PRKG1: variants seen among roughly 807,000 people sequenced by gnomAD.
PRKG1 encodes cGMP-dependent protein kinase 1.
Under a neutral mutation model 88.1 loss-of-function variants are expected in PRKG1, and 35 were observed. That is an observed-to-expected ratio of 0.40 (90% CI 0.30 to 0.53). The LOEUF (loss-of-function observed/expected upper bound fraction) is 0.53, where lower values mean the gene tolerates loss of function less well. Among genes scored for constraint, PRKG1 ranks in the 20% least tolerant of loss-of-function variants. The pLI, the probability that PRKG1 is intolerant of heterozygous loss-of-function variation, is 0.59. For missense variants in PRKG1, 540 were observed against 839.8 expected, an observed-to-expected ratio of 0.64 and a Z score of 4.41; for synonymous variants, 303 against 292.5, an observed-to-expected ratio of 1.04 and a Z score of -0.37.
At chr10:51,648,061 C>CAG (rs940520504) in intron 3 of PRKG1, among the ~76,000 whole-genome samples, 2 of 124,202 alleles carry the variant, frequency 1.6e-5, no homozygotes, top group African/African-American at 2.8e-5. Flanking sequence ...CACACACACA[C>CAG]ACACATATGT....
At position 51,820,376 on chromosome 10, in the gene PRKG1, G is replaced by T. The variant is rs191984130; in HGVS notation, c.698+15686G>T. Among the ~76,000 whole-genome samples the T allele has an allele frequency of 6.6e-3, 998 of 152,226 alleles. 9 individuals carry two copies. The highest frequency in any genetic ancestry group is 0.023 in the African/African-American group (946 of 41,534). ...AGGATTCTTAGTTCTGTGAGACCAGGGGATAGGGTAGGTGTAATAATAAAA... is the reference window on the plus strand; with the variant it reads ...AGGATTCTTAGTTCTGTGAGACCAGTGGATAGGGTAGGTGTAATAATAAAA... On this transcript the variant is annotated intron_variant, in intron 4 of 17. Transcript: ENST00000373980.
intron 3 of PRKG1, among the ~76,000 whole-genome samples, chr10:51,665,176 A>G (rs1441799572): frequency 6.6e-6 from 1 of 152,206 alleles, no homozygotes; most frequent in African/African-American, 2.4e-5. Flanking sequence ...TCATGTAATG[A>G]TTAGATGAGT....
chr10:51,292,547 A>T (rs926135347), intron 2 of PRKG1, among the ~76,000 whole-genome samples: 1 of 152,156 alleles, frequency 6.6e-6, no homozygotes, highest in Admixed American at 6.6e-5. Flanking sequence ...AGTCATGTTT[A>T]TTTTTAAAGT....
rs944219556 is a variant in PRKG1, at chr10:51,977,619, A to T, written c.762+70049A>T. 5.3e-5 allele frequency among the ~76,000 whole-genome samples: 8 copies of T among 151,934 alleles called. No individual in the cohort carries two copies. In the East Asian group the frequency reaches 1.5e-3, roughly 29 times the overall value. On this transcript the variant is annotated intron_variant, in intron 5 of 17. Coordinates refer to ENST00000373980, the MANE Select transcript of PRKG1 (RefSeq NM_006258.4). ...TAAGTATTCCTTTTTCTCTACAACC[A>T]CACCAGCACCTGTTATTTTTTGACT...
At chr10:52,208,201 T>G (rs1462039924) in intron 9 of PRKG1, among the ~76,000 whole-genome samples, 1 of 152,220 alleles carries the variant, frequency 6.6e-6, no homozygotes, top group East Asian at 1.9e-4. Context: ...TCTGAGAATA[T>G]TCTTGAATCA....
intron 3 of PRKG1, among the ~76,000 whole-genome samples, chr10:51,628,056 C>T (rs1839410727): frequency 7.1e-6 from 1 of 140,416 alleles, no homozygotes; most frequent in Non-Finnish European, 1.6e-5. Flanking sequence ...CTTTCCTTTC[C>T]TTTCTTTCTT....
intron 1 of PRKG1, among the ~76,000 whole-genome samples, chr10:51,079,899 A>G (rs948767270): frequency 2.0e-5 from 3 of 152,176 alleles, no homozygotes; most frequent in Non-Finnish European, 4.4e-5. Context: ...TTTTCCACTC[A>G]CTTCCAAATG....
intron 2 of PRKG1, among the ~76,000 whole-genome samples, chr10:51,175,921 A>G (rs1837179836): frequency 6.6e-6 from 1 of 152,124 alleles, no homozygotes; most frequent in Non-Finnish European, 1.5e-5. Flanking sequence ...AGGATTTATG[A>G]GTAATTGCAT....
At chr10:51,402,224 C>T (rs1837759672) in intron 2 of PRKG1, among the ~76,000 whole-genome samples, 1 of 152,198 alleles carries the variant, frequency 6.6e-6, no homozygotes, top group Admixed American at 6.5e-5. Flanking sequence ...TCCTTATCTT[C>T]ATTCACTTAT....
chr10:51,794,789 TAAAAC>T (rs932739669), intron 3 of PRKG1, among the ~76,000 whole-genome samples: 1 of 151,918 alleles, frequency 6.6e-6, no homozygotes, highest in African/African-American at 2.4e-5. Context: ...AAATAGAAAG[TAAAAC>T]AAACAAAAAA....
intron 1 of PRKG1, among the ~76,000 whole-genome samples, chr10:51,051,792 A>G (rs1165157661): frequency 2.6e-5 from 4 of 152,160 alleles, no homozygotes; most frequent in Admixed American, 2.6e-4. Flanking sequence ...TGAAGAACAA[A>G]CATCACTTAA....
intron 4 of PRKG1, among the ~76,000 whole-genome samples, chr10:51,819,204 T>A (rs905380903): frequency 2.6e-5 from 4 of 151,612 alleles, no homozygotes; most frequent in Non-Finnish European, 5.9e-5. Context: ...TGTATAGAGA[T>A]CACATGGTGA....
intron 2 of PRKG1, among the ~76,000 whole-genome samples, chr10:51,305,942 G>C (rs1028058113): frequency 1.3e-5 from 2 of 152,128 alleles, no homozygotes; most frequent in Admixed American, 1.3e-4. Context: ...CTGACTATTG[G>C]AAGCCTCAGG....
chr10:51,740,314 A>C (rs4431976), intron 3 of PRKG1, among the ~76,000 whole-genome samples: 91,009 of 152,026 alleles, frequency 0.6, 28,133 homozygotes, highest in African/African-American at 0.71. Flanking sequence ...CAGGCTGGAA[A>C]CATAGCAACT....
chr10:51,941,430 G>A (rs566659068), intron 5 of PRKG1, among the ~76,000 whole-genome samples: 7 of 151,626 alleles, frequency 4.6e-5, no homozygotes, highest in East Asian at 3.9e-4. Flanking sequence ...TTGATCACAC[G>A]TGCTTATGTT....
At chr10:51,753,466 C>T (rs892039213) in intron 3 of PRKG1, among the ~76,000 whole-genome samples, 2 of 152,110 alleles carry the variant, frequency 1.3e-5, no homozygotes, top group East Asian at 1.9e-4. Flanking sequence ...GACACTCGGT[C>T]GGTACAAATC....
chr10:51,040,299 T>C (rs1770604387), intron 1 of PRKG1, among the ~76,000 whole-genome samples: 1 of 144,754 alleles, frequency 6.9e-6, no homozygotes, highest in East Asian at 2.0e-4. Flanking sequence ...TCTTGCTTTT[T>C]TTTCTTTTTC....
At position 51,044,190 on chromosome 10, in the gene PRKG1, G is replaced by A. The variant is rs145313712; in HGVS notation, c.266+52546G>A. On this transcript the variant is annotated intron_variant, in intron 1 of 17. Coordinates refer to the PRKG1 transcript ENST00000401604. ...TCTTATATCTTTCATCTTTTTTTCC[G>A]TAGTTCTGGATCTTTCAGACCTCAT... Among the ~76,000 whole-genome samples the A allele has an allele frequency of 2.5e-3, 377 of 151,950 alleles. 1 individual carries two copies. Among genetic ancestry groups the A allele is most frequent in the Non-Finnish European group, 4.3e-3 (295 of 67,952 alleles).
At chr10:52,116,590 C>A (rs971374050) in intron 7 of PRKG1, among the ~76,000 whole-genome samples, 1 of 151,918 alleles carries the variant, frequency 6.6e-6, no homozygotes, top group Non-Finnish European at 1.5e-5. Flanking sequence ...GAAGAGATGA[C>A]TGTTAATCCT....
Sources: gnomAD v4.1 joint callset for allele counts (sites outside exome capture counted in the v4.1 genomes callset) on GRCh38, gnomAD v4.1.1 for gene constraint, MANE v1.5 for transcripts, NCBI Gene and HGNC (gene_info 2026-07-23, HGNC 2026-07-21) for gene names.